The following CCNY variants were observed in gnomAD, a reference collection of about 807,000 sequenced individuals.
CCNY encodes cyclin Y.
CCNY carries 19 observed loss-of-function variants against 42.8 expected under a neutral mutation model. The ratio of observed to expected loss-of-function variants is 0.44; its 90% CI spans 0.31 to 0.65. The LOEUF (loss-of-function observed/expected upper bound fraction) is 0.65. Ranked by LOEUF, CCNY falls within the 30% of genes least tolerant of loss-of-function variation. CCNY has a pLI of 0.07. For missense variants in CCNY, 370 were observed against 437.3 expected (o/e 0.85, Z 1.37); for synonymous variants, 165 against 162.7 (o/e 1.01, Z -0.11).
chr10:35,525,476 A>G (rs908272724), intron 4 of CCNY, among the ~76,000 whole-genome samples: 2 of 152,214 alleles, frequency 1.3e-5, no homozygotes, highest in African/African-American at 4.8e-5. Context: ...CATTTCAGCA[A>G]GTGAATGAAT....
At chr10:35,455,837 AAGAC>A (rs1378774608) in intron 1 of CCNY, among the ~76,000 whole-genome samples, 43 of 148,586 alleles carry the variant, frequency 2.9e-4, no homozygotes, top group African/African-American at 8.7e-4. Context: ...AAAAAAGAAA[AAGAC>A]AGGGTCTCAC....
chr10:35,478,875 T>C (rs993213322), intron 1 of CCNY, among the ~76,000 whole-genome samples: 4 of 152,190 alleles, frequency 2.6e-5, no homozygotes, highest in Admixed American at 6.5e-5. Flanking sequence ...GACAAAGGGC[T>C]AATATCCAGA....
At chr10:35,262,183 A>T (rs1479728072) in intron 3 of CCNY, among the ~76,000 whole-genome samples, 1 of 145,284 alleles carries the variant, frequency 6.9e-6, no homozygotes, top group Non-Finnish European at 1.5e-5. Context: ...AATCTCTTGA[A>T]CCCAGGAGGC....
At chr10:35,388,945 C>A (rs1029599615) in intron 1 of CCNY, among the ~76,000 whole-genome samples, 1 of 152,196 alleles carries the variant, frequency 6.6e-6, no homozygotes, top group African/African-American at 2.4e-5. Flanking sequence ...GTCAGCACAT[C>A]CCTGTCTCTT....
chr10:35,411,341 C>T (rs1471889266), intron 1 of CCNY, among the ~76,000 whole-genome samples: 15 of 151,732 alleles, frequency 9.9e-5, no homozygotes, highest in Admixed American at 2.6e-4. Flanking sequence ...GGTGAAACCC[C>T]GTCTCTACTA....
chr10:35,502,359 T>C (rs968550445), intron 3 of CCNY, among the ~76,000 whole-genome samples: 2 of 152,246 alleles, frequency 1.3e-5, no homozygotes, highest in Non-Finnish European at 2.9e-5. Flanking sequence ...AGGGTCTTTC[T>C]CAGGATTTTT....
intron 1 of CCNY, chr10:35,449,653 G>A (rs2135310637): frequency 2.3e-6 from 1 of 432,704 alleles, no homozygotes; most frequent in Non-Finnish European, 3.1e-6. Flanking sequence ...GGGAGGGGCA[G>A]GGATCCATTG....
At chr10:35,556,047 A>G (rs890433341) in intron 8 of CCNY, among the ~76,000 whole-genome samples, 5 of 152,182 alleles carry the variant, frequency 3.3e-5, no homozygotes, top group African/African-American at 1.2e-4. Context: ...TCCAAAGAAA[A>G]TTGATCATTT....
chr10:35,308,750 G>A (rs1163070975), intron 3 of CCNY, among the ~76,000 whole-genome samples: 2 of 152,178 alleles, frequency 1.3e-5, no homozygotes, highest in Non-Finnish European at 2.9e-5. Flanking sequence ...AAGGCAGCCA[G>A]ACAAAAGGAA....
At chr10:35,275,424 C>T (rs1341291012) in intron 3 of CCNY, among the ~76,000 whole-genome samples, 1 of 152,052 alleles carries the variant, frequency 6.6e-6, no homozygotes, top group East Asian at 1.9e-4. Flanking sequence ...GGCCTTCCCA[C>T]TGCAATAATT....
chr10:35,256,000 AT>A (rs1439361958), intron 3 of CCNY, among the ~76,000 whole-genome samples: 14 of 152,328 alleles, frequency 9.2e-5, no homozygotes, highest in Non-Finnish European at 7.3e-5. Context: ...TTTGTCTAAT[AT>A]TAGTATAGCC....
chr10:35,313,592 C>T (rs954831828), intron 3 of CCNY, among the ~76,000 whole-genome samples: 4 of 151,980 alleles, frequency 2.6e-5, no homozygotes, highest in African/African-American at 7.3e-5. Context: ...CCAGTGTGCC[C>T]AAGCCCAATC....
chr10:35,556,949 A>G (rs968967346), intron 8 of CCNY, among the ~76,000 whole-genome samples: 6 of 151,662 alleles, frequency 4.0e-5, no homozygotes, highest in African/African-American at 1.5e-4. Context: ...GGTTCAAGCA[A>G]TTCTCCTGCC....
intron 1 of CCNY, among the ~76,000 whole-genome samples, chr10:35,473,194 G>T (rs1006044176): frequency 1.3e-5 from 2 of 152,164 alleles, no homozygotes; most frequent in African/African-American, 2.4e-5. Context: ...TTGTAATTTT[G>T]TGTAGGATAA....
intron 3 of CCNY, among the ~76,000 whole-genome samples, chr10:35,270,549 A>G (rs949111049): frequency 6.6e-6 from 1 of 151,882 alleles, no homozygotes; most frequent in African/African-American, 2.4e-5. Flanking sequence ...AAAATAACAT[A>G]TTTTTGGTTT....
At chr10:35,363,377 C>A (rs1374226669) in intron 1 of CCNY, among the ~76,000 whole-genome samples, 1 of 149,622 alleles carries the variant, frequency 6.7e-6, no homozygotes, top group Non-Finnish European at 1.5e-5. Flanking sequence ...TTCTCACTTC[C>A]CAGGTGGTTG....
At chr10:35,417,846 G>C (rs1232346488) in intron 1 of CCNY, among the ~76,000 whole-genome samples, 1 of 152,156 alleles carries the variant, frequency 6.6e-6, no homozygotes, top group Non-Finnish European at 1.5e-5. Flanking sequence ...GACAGAATTG[G>C]GAGAGTGAAG....
At chr10:35,328,012 G>A (rs1280287394) in intron 3 of CCNY, among the ~76,000 whole-genome samples, 1 of 152,184 alleles carries the variant, frequency 6.6e-6, no homozygotes, top group Non-Finnish European at 1.5e-5. Context: ...AAGCCAGCTG[G>A]CTAAGATAAA....
chr10:35,415,010 G>A (rs977390931), intron 1 of CCNY, among the ~76,000 whole-genome samples: 6 of 152,186 alleles, frequency 3.9e-5, no homozygotes, highest in Non-Finnish European at 7.4e-5. Flanking sequence ...CATTCTAGGC[G>A]GAGGGAACAG....
Sources: allele counts gnomAD v4.1 joint callset (sites outside exome capture counted in the v4.1 genomes callset), GRCh38; gene constraint gnomAD v4.1.1; transcripts MANE v1.5; gene names NCBI Gene and HGNC (gene_info 2026-07-23, HGNC 2026-07-21).